The following B4GAT1 variants were observed in gnomAD, a reference collection of about 807,000 sequenced individuals.
B4GAT1 encodes the protein N-acetyllactosaminide beta-1,3-N-acetylglucosaminyltransferase.
A neutral mutation model predicts 35.0 loss-of-function variants in B4GAT1; 18 were observed. The observed-to-expected ratio is 0.51, with a 90% CI of 0.36 to 0.76. The LOEUF is 0.76. Among genes scored for constraint, B4GAT1 ranks in the 30% least tolerant of loss-of-function variants. B4GAT1 has a pLI of 0.01. For synonymous variants in B4GAT1, 217 were observed against 251.6 expected (o/e 0.86, Z 1.30); for missense variants, 458 against 555.0 (o/e 0.83, Z 1.76).
In B4GAT1 at chr11:66,346,194, T is replaced by C; in HGVS notation, c.1103A>G (p.Glu368Gly). 6.2e-7 allele frequency: 1 copy of C among 1,614,074 alleles called. No homozygotes were observed. Among genetic ancestry groups the C allele is most frequent in the Non-Finnish European group, 8.5e-7 (1 of 1,179,978 alleles). Residue 368 changes from glutamate to glycine, a missense_variant, in exon 2 of 2, where the codon GAA becomes GGA. Coordinates refer to ENST00000311181, the MANE Select transcript of B4GAT1 (RefSeq NM_006876.3). This position sits in a 1 kb window ranked among gnomAD's most constrained non-coding sequence, Gnocchi z 6.1. ...VAGFDFEVLN[E>G]GFLVHKGFKE... ...GAAGCCCTTATGAACCAAGAAACCT[T>C]CGTTCAGGACCTCAAAATCAAACCC...
chr11:66,346,623 G>A lies in B4GAT1; in HGVS notation c.923C>T (p.Pro308Leu), dbSNP rs1463831369. ...PTNYSRWVNL[P>L]EESLLRPAYV... is the part of the protein sequence containing the mutation. Reference sequence around the variant, plus strand: ...GGCGGGCCGCAGCAAGCTCTCTTCCGGCAGGTTGACCCAGCGGGAATAGTT... The same window carrying A: ...GGCGGGCCGCAGCAAGCTCTCTTCCAGCAGGTTGACCCAGCGGGAATAGTT... The change falls in exon 1 of 2, where the codon CCG becomes CTG. Residue 308 changes from proline to leucine, a missense_variant. Pro to Leu is a moderately conservative substitution (Grantham distance 98, BLOSUM62 -3). Transcript: ENST00000311181. This position sits in a 1 kb window ranked among gnomAD's most constrained non-coding sequence, Gnocchi z 6.1. The A allele has an allele frequency of 1.9e-6, 3 of 1,613,766 alleles. No individual in the cohort carries two copies. Among genetic ancestry groups the A allele is most frequent in the African/African-American group, 1.3e-5 (1 of 74,932 alleles).
At position 66,347,477 on chromosome 11, in the gene B4GAT1, C is replaced by A; in HGVS notation, c.69G>T (p.Ala23=). ...GCGACAGGTAGAGCAGCTGCAGCAT[C>A]GCCACCAGCATGAGCGCGGCCAGCA... is the stretch of plus-strand genomic sequence containing the variant. ...QLLLAALMLV[A]MLQLLYLSLL... Residue 23 remains alanine (A), a synonymous_variant, in exon 1 of 2, where the codon GCG becomes GCT. Coordinates refer to ENST00000311181, the MANE Select transcript of B4GAT1 (RefSeq NM_006876.3). The surrounding 1 kb of genome is among the most constrained non-coding windows in gnomAD (Gnocchi z 6.3). 1.3e-6 allele frequency: 2 copies of A among 1,525,768 alleles called. No homozygotes were observed. Among genetic ancestry groups the A allele is most frequent in the Non-Finnish European group, 8.8e-7 (1 of 1,137,970 alleles). The allele number at this position is 1,525,768 out of a possible 1,614,324, so 94.5% of individuals were successfully genotyped here. A position where few individuals can be genotyped will look rare whatever the true frequency, so the allele number is the denominator to read the frequency against.
At position 66,345,975 on chromosome 11, in the gene B4GAT1, C is replaced by T; in HGVS notation, c.*74G>A. On this transcript the variant is annotated 3_prime_UTR_variant, in exon 2 of 2. Coordinates refer to ENST00000311181, the MANE Select transcript of B4GAT1 (RefSeq NM_006876.3). ...ACCTCTGTAAAGTGGAGCGACATTTCTTACCCCAGTCAGGCCTAAATGGTG... is the reference window on the plus strand; with the variant it reads ...ACCTCTGTAAAGTGGAGCGACATTTTTTACCCCAGTCAGGCCTAAATGGTG... 1.4e-6 allele frequency: 2 copies of T among 1,477,418 alleles called. No individual in the cohort carries two copies. The highest frequency in any genetic ancestry group is 4.0e-5 in the Admixed American group (2 of 50,196). The allele number at this position is 1,477,418 out of a possible 1,614,324, so 91.5% of individuals were successfully genotyped here.
Position 66,346,303 on chromosome 11 carries a change from C to A in B4GAT1, c.1057-63G>T. ...ATTGACAGGCCTGAGACTGACTTCC[C>A]TAAAGCCACAGTCCAGCGTCCTCAC... On this transcript the variant is annotated intron_variant, in intron 1 of 1. Coordinates refer to ENST00000311181, the MANE Select transcript of B4GAT1 (RefSeq NM_006876.3). The surrounding 1 kb of genome is among the most constrained non-coding windows in gnomAD (Gnocchi z 6.1). The A allele has an allele frequency of 6.3e-7, 1 of 1,585,698 alleles. No individual in the cohort carries two copies. The highest frequency in any genetic ancestry group is 1.1e-5 in the South Asian group (1 of 88,456).
Position 66,346,349 on chromosome 11 carries a change from T to A in B4GAT1, c.1057-109A>T. 1 of 1,540,648 alleles carries A rather than the reference T, an allele frequency of 6.5e-7. No individual in the cohort carries two copies. The highest frequency in any genetic ancestry group is 2.3e-5 in the East Asian group (1 of 44,164). On this transcript the variant is annotated intron_variant, in intron 1 of 1. Coordinates refer to ENST00000311181, the MANE Select transcript of B4GAT1 (RefSeq NM_006876.3). This position sits in a 1 kb window ranked among gnomAD's most constrained non-coding sequence, Gnocchi z 6.1. ...CTCACCCCTCTGGAAGTATCCTGGA[T>A]CTTCCACACCATCCACCCACCTCCT...
rs906312674 is a variant in B4GAT1 at position 66,345,669 on chromosome 11, G to A, written c.*380C>T. On this transcript the variant is annotated 3_prime_UTR_variant, in exon 2 of 2. Transcript: ENST00000311181. Reference sequence around the variant, plus strand: ...TTTTGCTCTCCTACTACCCACCCAAGATTGTTAATAATAACAATAATAATA... The same window carrying A: ...TTTTGCTCTCCTACTACCCACCCAAAATTGTTAATAATAACAATAATAATA... The A allele has an allele frequency of 2.3e-5, 4 of 174,038 alleles. No individual in the cohort carries two copies. Among genetic ancestry groups the A allele is most frequent in the Admixed American group, 1.2e-4 (2 of 16,506 alleles). 10.8% of individuals were successfully genotyped at this position (174,038 alleles called of 1,614,324 possible). A position where few individuals can be genotyped will look rare whatever the true frequency, so the allele number is the denominator to read the frequency against.
chr11:66,346,667 G>T lies in B4GAT1; in HGVS notation c.879C>A (p.Thr293=). ...EVRPFYYGLC[T]PCQAPTNYSR... ...AATAGTTGGTGGGTGCCTGGCAGGG[G>T]GTGCACAACCCATAATAGAAGGGCC... Residue 293 remains threonine (T), a synonymous_variant, in exon 1 of 2, where the codon ACC becomes ACA. Transcript: ENST00000311181. This position sits in a 1 kb window ranked among gnomAD's most constrained non-coding sequence, Gnocchi z 6.1. 1.9e-6 allele frequency: 3 copies of T among 1,613,818 alleles called. No individual in the cohort carries two copies. The highest frequency in any genetic ancestry group is 2.2e-5 in the East Asian group (1 of 44,880).
Position 66,346,089 on chromosome 11 carries a change from T to G in B4GAT1, c.1208A>C (p.Glu403Ala). 1 of 1,613,776 alleles carries G rather than the reference T, an allele frequency of 6.2e-7. No individual in the cohort carries two copies. Among genetic ancestry groups the G allele is most frequent in the Non-Finnish European group, 8.5e-7 (1 of 1,179,704 alleles). ...NKILYRQFKQELKAKYPNSPR... is the reference protein window; with the variant it reads ...NKILYRQFKQALKAKYPNSPR... ...AGAGTTGGGGTACTTGGCCTTCAACTCCTGTTTGAACTGGCGATATAGGAT... is the reference window on the plus strand; with the variant it reads ...AGAGTTGGGGTACTTGGCCTTCAACGCCTGTTTGAACTGGCGATATAGGAT... The change falls in exon 2 of 2, where the codon GAG (glutamate) becomes GCG (alanine). Residue 403 changes from glutamate (E) to alanine (A), a missense_variant. By Grantham distance (107) the Glu-to-Ala change is moderately radical. Coordinates refer to ENST00000311181, the MANE Select transcript of B4GAT1 (RefSeq NM_006876.3). This position sits in a 1 kb window ranked among gnomAD's most constrained non-coding sequence, Gnocchi z 6.1.
rs1455358931 is a variant in B4GAT1, at chr11:66,345,903, C to T, written c.*146G>A. ...GCTAGTTAGTGGTAAAGCTAGGAAT[C>T]GATCCCAGCACCCCATATCCAAGTC... On this transcript the variant is annotated 3_prime_UTR_variant, in exon 2 of 2. Coordinates refer to ENST00000311181, the MANE Select transcript of B4GAT1 (RefSeq NM_006876.3). The T allele has an allele frequency of 2.0e-5, 17 of 853,658 alleles. No individual in the cohort carries two copies. Among genetic ancestry groups the T allele is most frequent in the African/African-American group, 1.0e-4 (6 of 59,174 alleles). The allele number at this position is 853,658 out of a possible 1,614,324, so 52.9% of individuals were successfully genotyped here.
chr11:66,346,463 T>G lies in B4GAT1; in HGVS notation c.1056+27A>C. ...GATCCCACCACCCCTCCTGCCCCAT[T>G]ACCCCTGCCCTCTCCCTTATGAGCA... is the stretch of plus-strand genomic sequence containing the variant. On this transcript the variant is annotated intron_variant, in intron 1 of 1. Transcript: ENST00000311181. This position sits in a 1 kb window ranked among gnomAD's most constrained non-coding sequence, Gnocchi z 6.1. 2 of 1,576,724 alleles carry G rather than the reference T, an allele frequency of 1.3e-6. No individual in the cohort carries two copies. The highest frequency in any genetic ancestry group is 1.7e-6 in the Non-Finnish European group (2 of 1,157,468).
chr11:66,345,733 T>C lies in B4GAT1; in HGVS notation c.*316A>G, dbSNP rs1160749075. 3.2e-6 allele frequency: 1 copy of C among 309,942 alleles called. No homozygotes were observed. The highest frequency in any genetic ancestry group is 2.1e-5 in the African/African-American group (1 of 47,402). 19.2% of individuals were successfully genotyped at this position (309,942 alleles called of 1,614,324 possible). On this transcript the variant is annotated 3_prime_UTR_variant, in exon 2 of 2. Transcript: ENST00000311181. ...TGCGATAATATTAATACTTCACATT[T>C]GTACGAAGCTTACAGAATGTTTTCA...
rs372695941 is a variant in B4GAT1, at chr11:66,346,503, T to C, written c.1043A>G (p.Asn348Ser). ...CCTTATGAGCACCTGGCTGATTCGGTTGAAGCCGTACTGCCGAAAGCGCTC... is the reference window on the plus strand; with the variant it reads ...CCTTATGAGCACCTGGCTGATTCGGCTGAAGCCGTACTGCCGAAAGCGCTC... ...FDERFRQYGF[N>S]RISQACELHV... is the part of the protein sequence containing the mutation. Residue 348 changes from asparagine (N) to serine (S), a missense_variant, in exon 1 of 2, where the codon AAC (asparagine) becomes AGC (serine). Transcript: ENST00000311181. The surrounding 1 kb of genome is among the most constrained non-coding windows in gnomAD (Gnocchi z 6.1). 1 of 1,605,368 alleles carries C rather than the reference T, an allele frequency of 6.2e-7. No homozygotes were observed.
At position 66,347,418 on chromosome 11, in the gene B4GAT1, T is replaced by C. The variant is rs1249218517; in HGVS notation, c.128A>G (p.Asp43Gly). The C allele has an allele frequency of 2.5e-6, 4 of 1,579,194 alleles. No individual in the cohort carries two copies. The African/African-American group carries it at 5.4e-5, about 21-fold the overall frequency. ...CGGGGGAAAGAACTCAAAATATTGGTCTTGCTCCTCCTGCCCGTGCAGTCC... is the reference window on the plus strand; with the variant it reads ...CGGGGGAAAGAACTCAAAATATTGGCCTTGCTCCTCCTGCCCGTGCAGTCC... ...LSGLHGQEEQDQYFEFFPPSP... is the reference protein window; with the variant it reads ...LSGLHGQEEQGQYFEFFPPSP... Residue 43 changes from aspartate (D) to glycine (G), a missense_variant, in exon 1 of 2, where the codon GAC (aspartate) becomes GGC (glycine). Transcript: ENST00000311181. This position sits in a 1 kb window ranked among gnomAD's most constrained non-coding sequence, Gnocchi z 6.3.
rs1033220208 is a variant in B4GAT1 at position 66,347,171 on chromosome 11, G to A, written c.375C>T (p.Phe125=). 56 of 1,590,356 alleles carry A rather than the reference G, an allele frequency of 3.5e-5. No individual in the cohort carries two copies. The highest frequency in any genetic ancestry group is 4.3e-5 in the Non-Finnish European group (50 of 1,169,504). Residue 125 remains phenylalanine, a synonymous_variant, in exon 1 of 2, where the codon TTC becomes TTT. Coordinates refer to ENST00000311181, the MANE Select transcript of B4GAT1 (RefSeq NM_006876.3). This position sits in a 1 kb window ranked among gnomAD's most constrained non-coding sequence, Gnocchi z 6.3. ...GCTGCGCCTCCTCCTTGGTGGCCGC[G>A]AACACCGACACGGACAGCGGGCCCT... The part of the protein sequence containing the change: ...RWEGPLSVSV[F]AATKEEAQLA...
chr11:66,347,301 T>C lies in B4GAT1; in HGVS notation c.245A>G (p.Tyr82Cys). Residue 82 changes from tyrosine to cysteine, a missense_variant, in exon 1 of 2, where the codon TAC (tyrosine) becomes TGC (cysteine). Coordinates refer to ENST00000311181, the MANE Select transcript of B4GAT1 (RefSeq NM_006876.3). The surrounding 1 kb of genome is among the most constrained non-coding windows in gnomAD (Gnocchi z 6.3). Reference protein sequence around the residue: ...VLDASGDYRVYRGLLKTTMDP... With the variant: ...VLDASGDYRVCRGLLKTTMDP... Reference sequence around the variant, plus strand: ...CATGGTGGTCTTCAGCAGGCCCCTGTAGACGCGGTAATCGCCGCTAGCGTC... The same window carrying C: ...CATGGTGGTCTTCAGCAGGCCCCTGCAGACGCGGTAATCGCCGCTAGCGTC... 1 of 1,567,780 alleles carries C rather than the reference T, an allele frequency of 6.4e-7. No individual in the cohort carries two copies. The highest frequency in any genetic ancestry group is 8.6e-7 in the Non-Finnish European group (1 of 1,156,862).
In B4GAT1 at chr11:66,346,974, C is replaced by T. The variant is rs754466638; in HGVS notation, c.572G>A (p.Arg191Lys). 3 of 1,610,244 alleles carry T rather than the reference C, an allele frequency of 1.9e-6. No individual in the cohort carries two copies. In the Admixed American group the frequency reaches 5.0e-5, roughly 27 times the overall value. ...SCQEVFDKLA[R>K]VAQPGINYAL... ...ATAATTAATCCCGGGCTGGGCCACC[C>T]TGGCTAGCTTGTCAAAGACCTCCTG... Residue 191 changes from arginine to lysine, a missense_variant, in exon 1 of 2, where the codon AGG becomes AAG. Transcript: ENST00000311181. The surrounding 1 kb of genome is among the most constrained non-coding windows in gnomAD (Gnocchi z 6.1).
In B4GAT1 at chr11:66,347,524, G is replaced by A. The variant is rs1338897820; in HGVS notation, c.22C>T (p.Arg8Trp). The A allele has an allele frequency of 6.7e-7, 1 of 1,499,582 alleles. No homozygotes were observed. Among genetic ancestry groups the A allele is most frequent in the Non-Finnish European group, 8.9e-7 (1 of 1,126,748 alleles). The allele number at this position is 1,499,582 out of a possible 1,614,324, so 92.9% of individuals were successfully genotyped here. A position where few individuals can be genotyped will look rare whatever the true frequency, so the allele number is the denominator to read the frequency against. Residue 8 changes from arginine (R) to tryptophan (W), a missense_variant, in exon 1 of 2, where the codon CGG becomes TGG. By Grantham distance (101) the Arg-to-Trp change is moderately radical. Coordinates refer to ENST00000311181, the MANE Select transcript of B4GAT1 (RefSeq NM_006876.3). This position sits in a 1 kb window ranked among gnomAD's most constrained non-coding sequence, Gnocchi z 6.3. ...AGCAGCAGCTGGTAGAAGGCGCACC[G>A]GATGGCGTAGGACATCTGCATGGCT... is the stretch of plus-strand genomic sequence containing the variant. MQMSYAI[R>W]CAFYQLLLAA...
rs991890865 is a variant in B4GAT1 at position 66,347,431 on chromosome 11, G to T, written c.115C>A (p.Gln39Lys). The T allele has an allele frequency of 6.4e-6, 10 of 1,573,538 alleles. No individual in the cohort carries two copies. Among genetic ancestry groups the T allele is most frequent in the Middle Eastern group, 1.7e-4 (1 of 5,926 alleles). The change falls in exon 1 of 2, where the codon CAG (glutamine) becomes AAG (lysine). Residue 39 changes from glutamine (Q) to lysine (K), a missense_variant. Coordinates refer to ENST00000311181, the MANE Select transcript of B4GAT1 (RefSeq NM_006876.3). The surrounding 1 kb of genome is among the most constrained non-coding windows in gnomAD (Gnocchi z 6.3). ...YLSLLSGLHG[Q>K]EEQDQYFEFF... is the part of the protein sequence containing the mutation. ...TCAAAATATTGGTCTTGCTCCTCCTGCCCGTGCAGTCCGGACAGCAGCGAC... is the reference window on the plus strand; with the variant it reads ...TCAAAATATTGGTCTTGCTCCTCCTTCCCGTGCAGTCCGGACAGCAGCGAC...
In B4GAT1 at chr11:66,346,026, C is replaced by T; in HGVS notation, c.*23G>A. The T allele has an allele frequency of 3.1e-6, 5 of 1,595,126 alleles. No homozygotes were observed. Among genetic ancestry groups the T allele is most frequent in the Non-Finnish European group, 4.3e-6 (5 of 1,165,392 alleles). ...GCCTGAGGAGCCAAGAGGCTGACTT[C>T]TCAGATTAGGGGAGGGAAGGGCTCA... On this transcript the variant is annotated 3_prime_UTR_variant, in exon 2 of 2. Coordinates refer to ENST00000311181, the MANE Select transcript of B4GAT1 (RefSeq NM_006876.3). This position sits in a 1 kb window ranked among gnomAD's most constrained non-coding sequence, Gnocchi z 6.1.
Sources: gnomAD v4.1 joint callset for allele counts on GRCh38, gnomAD v4.1.1 for gene constraint, Gnocchi (gnomAD v3.1) non-coding constraint, MANE v1.5 for transcripts, NCBI Gene and HGNC (gene_info 2026-07-23, HGNC 2026-07-21) for gene names.